Variants in CD44 observed in about 807,000 individuals in gnomAD.
The protein encoded by CD44 is CD44 molecule (IN blood group).
In CD44, 49 loss-of-function variants were observed where a neutral mutation model predicts 88.8. The observed-to-expected ratio is 0.55, with a 90% CI of 0.44 to 0.70. The LOEUF (loss-of-function observed/expected upper bound fraction) is 0.70, where lower values mean the gene tolerates loss of function less well. Among genes scored for constraint, CD44 ranks in the 30% least tolerant of loss-of-function variants. CD44 has a pLI of 0.00. For synonymous variants in CD44, 325 were observed against 312.3 expected, an observed-to-expected ratio of 1.04 and a Z score of -0.43; for missense variants, 883 against 913.8, an observed-to-expected ratio of 0.97 and a Z score of 0.43.
chr11:35,151,293 A>G (rs2133165537), intron 1 of CD44, among the ~76,000 whole-genome samples: 1 of 152,266 alleles, frequency 6.6e-6, no homozygotes, highest in South Asian at 2.1e-4. Context: ...ATCAAGTAAC[A>G]GTGGCACTGT....
chr11:35,166,253 G>A (rs1943247411), intron 1 of CD44, among the ~76,000 whole-genome samples: 1 of 152,218 alleles, frequency 6.6e-6, no homozygotes. Context: ...ACAGGGGTGG[G>A]TACTGTGGTT....
intron 1 of CD44, among the ~76,000 whole-genome samples, chr11:35,167,969 A>G (rs1350619990): frequency 6.6e-6 from 1 of 152,230 alleles, no homozygotes; most frequent in Non-Finnish European, 1.5e-5. Flanking sequence ...AGGCAGAATC[A>G]GAGAGAAGCA....
intron 1 of CD44, among the ~76,000 whole-genome samples, chr11:35,168,212 T>C (rs1299548781): frequency 2.0e-5 from 3 of 152,182 alleles, no homozygotes; most frequent in Non-Finnish European, 2.9e-5. Context: ...CTCCACACTT[T>C]ATTAAAAAAT....
At chr11:35,185,598 A>C (rs973056217) in intron 3 of CD44, among the ~76,000 whole-genome samples, 1 of 152,016 alleles carries the variant, frequency 6.6e-6, no homozygotes, top group South Asian at 2.1e-4. Context: ...CCATCCATCT[A>C]TCCATCCATC....
At chr11:35,219,255 A>G (rs1471069175) in intron 15 of CD44, 61 bp from the exon 16 acceptor site, 1 of 1,283,978 alleles carries the variant, frequency 7.8e-7, no homozygotes, top group African/African-American at 1.5e-5. Flanking sequence ...ATGCAGCTCC[A>G]CAAGGAACTC....
At chr11:35,153,666 A>G (rs994190666) in intron 1 of CD44, among the ~76,000 whole-genome samples, 2 of 152,270 alleles carry the variant, frequency 1.3e-5, no homozygotes, top group African/African-American at 4.8e-5. Context: ...TGGAAGACAG[A>G]CAGTAAACAA....
chr11:35,145,279 C>T (rs1858893438), intron 1 of CD44, among the ~76,000 whole-genome samples: 1 of 152,196 alleles, frequency 6.6e-6, no homozygotes, highest in Non-Finnish European at 1.5e-5. Context: ...AACTGTTGAA[C>T]TGCAATGAAT....
At chr11:35,149,573 A>G (rs1335631479) in intron 1 of CD44, among the ~76,000 whole-genome samples, 3 of 152,222 alleles carry the variant, frequency 2.0e-5, no homozygotes, top group Non-Finnish European at 4.4e-5. Context: ...CTGATTCACT[A>G]TGTGCTGCTA....
chr11:35,185,875 A>G (rs1464919188), intron 3 of CD44, among the ~76,000 whole-genome samples: 4 of 152,200 alleles, frequency 2.6e-5, no homozygotes, highest in Non-Finnish European at 5.9e-5. Flanking sequence ...TGCTTTTAAG[A>G]CACAAGGAAT....
chr11:35,215,051 C>A, intron 15 of CD44, 137 bp downstream of exon 15: 1 of 459,144 alleles, frequency 2.2e-6, no homozygotes, highest in East Asian at 3.5e-5. Flanking sequence ...GCAGGGAGGG[C>A]TTATTAAACC....
At chr11:35,160,132 C>G (rs353643) in intron 1 of CD44, among the ~76,000 whole-genome samples, 36,146 of 152,172 alleles carry the variant, frequency 0.24, 4,471 homozygotes, top group African/African-American at 0.28. Context: ...TTGGGGGCCA[C>G]TCAGCAGCTC....
chr11:35,165,020 T>G (rs1943103323), intron 1 of CD44, among the ~76,000 whole-genome samples: 1 of 152,152 alleles, frequency 6.6e-6, no homozygotes, highest in Admixed American at 6.5e-5. Flanking sequence ...TCCAGACTTT[T>G]CCACCAAGGC....
intron 3 of CD44, among the ~76,000 whole-genome samples, chr11:35,182,100 C>T (rs1204453858): frequency 1.4e-5 from 2 of 140,750 alleles, no homozygotes; most frequent in East Asian, 4.0e-4. Flanking sequence ...TATAAATATA[C>T]ATATACCATA....
chr11:35,176,767 G>A, intron 2 of CD44, 27 bp downstream of exon 2: 1 of 1,604,308 alleles, frequency 6.2e-7, no homozygotes, highest in East Asian at 2.2e-5. Context: ...CGACCACTGG[G>A]GAAAGCTGGC....
intron 1 of CD44, among the ~76,000 whole-genome samples, chr11:35,148,919 A>G (rs1460486409): frequency 6.6e-6 from 1 of 151,528 alleles, no homozygotes; most frequent in African/African-American, 2.4e-5. Context: ...ATTTTTCTCT[A>G]TTGCTACTTG....
intron 1 of CD44, among the ~76,000 whole-genome samples, chr11:35,151,075 G>C (rs1253286691): frequency 6.6e-6 from 1 of 152,178 alleles, no homozygotes; most frequent in Non-Finnish European, 1.5e-5. Flanking sequence ...AAGGCTTCAA[G>C]GAATTTGAGG....
chr11:35,139,545 G>T (rs770916873), intron 1 of CD44, 175 bp downstream of exon 1: 3 of 772,426 alleles, frequency 3.9e-6, no homozygotes, highest in Admixed American at 1.7e-5. Context: ...GTTGGAGAAT[G>T]TGTCTGTGGA....
Position 35,229,232 on chromosome 11 carries a change from G to T in CD44, c.2128G>T (p.Val710Leu). ...AGAGGCCAGCAAGTCTCAGGAAATGGTGCATTTGGTGAACAAGGAGTCGTC... is the reference window on the plus strand; with the variant it reads ...AGAGGCCAGCAAGTCTCAGGAAATGTTGCATTTGGTGAACAAGGAGTCGTC... Reference protein sequence around the residue: ...NGEASKSQEMVHLVNKESSET... With the variant: ...NGEASKSQEMLHLVNKESSET... The change falls in exon 18 of 18, where the codon GTG becomes TTG. Residue 710 changes from valine to leucine, a missense_variant. Physicochemically the swap from Val to Leu is conservative, Grantham distance 32. This residue lies in a region of CD44 where 631 missense variants were observed against 590.9 expected (regional missense o/e 1.07). Transcript: ENST00000428726. 2 of 1,614,058 alleles carry T rather than the reference G, an allele frequency of 1.2e-6. No homozygotes were observed. The highest frequency in any genetic ancestry group is 2.2e-5 in the East Asian group (1 of 44,876).
intron 9 of CD44, among the ~76,000 whole-genome samples, chr11:35,202,495 C>T (rs935594636): frequency 7.2e-5 from 11 of 152,198 alleles, no homozygotes; most frequent in Non-Finnish European, 1.2e-4. Context: ...TTATCTATCC[C>T]GCTGAGATAT....
Sources: gnomAD v4.1 joint callset for allele counts (sites outside exome capture counted in the v4.1 genomes callset) on GRCh38, gnomAD v4.1.1 for gene constraint, gnomAD v4.1.1 regional missense constraint, MANE v1.5 for transcripts, NCBI Gene and HGNC (gene_info 2026-07-23, HGNC 2026-07-21) for gene names.